ABCA12: variants seen among roughly 807,000 people sequenced by gnomAD.
The protein encoded by ABCA12 is ATP binding cassette subfamily A member 12.
A neutral mutation model predicts 293.5 loss-of-function variants in ABCA12; 156 were observed. That is an observed-to-expected ratio of 0.53 (90% CI 0.47 to 0.61). The LOEUF is 0.61. ABCA12 is among the 20% of genes least tolerant of loss of function. ABCA12 has a pLI of 0.00. For missense variants in ABCA12, 2,797 were observed against 3,090.2 expected, an observed-to-expected ratio of 0.91 and a Z score of 2.25; for synonymous variants, 1,063 against 1,108.0, an observed-to-expected ratio of 0.96 and a Z score of 0.81.
At chr2:215,111,425 C>T (rs763556252) in intron 2 of ABCA12, among the ~76,000 whole-genome samples, 172 bp downstream of exon 2, 7 of 152,164 alleles carry the variant, frequency 4.6e-5, no homozygotes, top group Non-Finnish European at 8.8e-5. Context: ...ACTCAACTTT[C>T]TGACTAACTT....
intron 1 of ABCA12, among the ~76,000 whole-genome samples, chr2:215,119,280 T>G (rs1365799316): frequency 6.6e-6 from 1 of 152,238 alleles, no homozygotes; most frequent in Non-Finnish European, 1.5e-5. Flanking sequence ...TGATGATTTC[T>G]TTTGCTGGGT....
intron 9 of ABCA12, among the ~76,000 whole-genome samples, chr2:215,031,390 C>A (rs1256647090): frequency 6.6e-6 from 1 of 152,146 alleles, no homozygotes; most frequent in Non-Finnish European, 1.5e-5. Flanking sequence ...CTCCTAACCC[C>A]CAAGATGATG....
intron 30 of ABCA12, among the ~76,000 whole-genome samples, chr2:214,981,923 G>T (rs1428327145): frequency 6.8e-6 from 1 of 147,306 alleles, no homozygotes; most frequent in Non-Finnish European, 1.5e-5. Context: ...ACACATGCCA[G>T]CCACCACAGT....
At chr2:215,099,084 T>A (rs1424835037) in intron 2 of ABCA12, among the ~76,000 whole-genome samples, 1 of 152,260 alleles carries the variant, frequency 6.6e-6, no homozygotes, top group Non-Finnish European at 1.5e-5. Flanking sequence ...GAATAGAATG[T>A]GGCAGTGTGA....
chr2:215,015,194 C>T (rs1348362698), intron 15 of ABCA12, among the ~76,000 whole-genome samples: 1 of 151,916 alleles, frequency 6.6e-6, no homozygotes, highest in Non-Finnish European at 1.5e-5. Flanking sequence ...TTGCATTTAA[C>T]ACTTTTGAAA....
At chr2:215,072,550 C>A (rs527561401) in intron 2 of ABCA12, among the ~76,000 whole-genome samples, 1 of 152,274 alleles carries the variant, frequency 6.6e-6, no homozygotes, top group Non-Finnish European at 1.5e-5. Flanking sequence ...CATAACCCCA[C>A]CTTCCTGCAT....
At chr2:214,946,290 C>T (rs902581927) in intron 48 of ABCA12, among the ~76,000 whole-genome samples, 5 of 152,006 alleles carry the variant, frequency 3.3e-5, no homozygotes, top group Admixed American at 6.6e-5. Flanking sequence ...GATACATTGT[C>T]ACTGCTCCTG....
intron 2 of ABCA12, among the ~76,000 whole-genome samples, chr2:215,067,632 T>G (rs376444873): frequency 1.1e-4 from 16 of 152,100 alleles, no homozygotes; most frequent in African/African-American, 3.9e-4. Flanking sequence ...GGGAGTAGGG[T>G]GAGGTATGTG....
At chr2:214,986,518 A>G (rs757364866) in intron 28 of ABCA12, 24 bp downstream of exon 28, 4 of 1,608,728 alleles carry the variant, frequency 2.5e-6, no homozygotes, top group African/African-American at 1.3e-5. Context: ...TTCCATGGCA[A>G]TAAATGTCAA....
intron 1 of ABCA12, among the ~76,000 whole-genome samples, chr2:215,130,856 G>A (rs917825111): frequency 3.3e-5 from 5 of 151,902 alleles, no homozygotes; most frequent in Admixed American, 6.6e-5. Flanking sequence ...TCCCCATTCA[G>A]CGTGATGTTG....
intron 2 of ABCA12, among the ~76,000 whole-genome samples, chr2:215,101,623 C>A (rs528330851): frequency 1.6e-4 from 24 of 152,244 alleles, no homozygotes; most frequent in Middle Eastern, 3.4e-3. Flanking sequence ...CCAAATTTCT[C>A]CTAAATTGTG....
chr2:215,108,323 T>C (rs77113032), intron 2 of ABCA12, among the ~76,000 whole-genome samples: 2,639 of 152,350 alleles, frequency 0.017, 59 homozygotes, highest in African/African-American at 0.06. Context: ...ATTTCATAAT[T>C]GAGGCAAAGC....
intron 19 of ABCA12, among the ~76,000 whole-genome samples, chr2:215,006,842 T>A: frequency 6.6e-6 from 1 of 151,478 alleles, no homozygotes; most frequent in East Asian, 1.9e-4. Flanking sequence ...CCCACATTAT[T>A]TGCATCATCT....
At chr2:214,932,853 T>C in intron 52 of ABCA12, 112 bp from the exon 53 acceptor site, 4 of 770,934 alleles carry the variant, frequency 5.2e-6, no homozygotes, top group Non-Finnish European at 9.0e-6. Context: ...AGCGTGTATA[T>C]ATGTGTATGC....
chr2:215,136,542 G>A (rs2970967), intron 1 of ABCA12, among the ~76,000 whole-genome samples: 32,779 of 151,908 alleles, frequency 0.22, 4,786 homozygotes, highest in African/African-American at 0.41. Context: ...ACAATAACAC[G>A]TACAGATTTT....
intron 22 of ABCA12, among the ~76,000 whole-genome samples, chr2:215,000,255 G>T (rs779323524): frequency 6.6e-6 from 1 of 152,164 alleles, no homozygotes; most frequent in Non-Finnish European, 1.5e-5. Flanking sequence ...TGTGTTCAAG[G>T]TTTCTTTTAT....
At chr2:215,013,072 C>T (rs1033178727) in intron 15 of ABCA12, 1 of 152,014 alleles carries the variant, frequency 6.6e-6, no homozygotes, top group Non-Finnish European at 1.5e-5. Flanking sequence ...GAATTGAGTG[C>T]CTGCTGTGTT....
intron 1 of ABCA12, among the ~76,000 whole-genome samples, chr2:215,127,771 T>A (rs1318912459): frequency 6.6e-6 from 1 of 152,210 alleles, no homozygotes; most frequent in Non-Finnish European, 1.5e-5. Flanking sequence ...AAGTGCATCA[T>A]TTAGGCCATT....
intron 46 of ABCA12, 29 bp downstream of exon 46, chr2:214,949,011 C>A: frequency 6.5e-7 from 1 of 1,536,936 alleles, no homozygotes; most frequent in Non-Finnish European, 9.0e-7. Flanking sequence ...ATGTTGTACT[C>A]GCTAAATTGA....
Sources: gnomAD v4.1 joint callset for allele counts (sites outside exome capture counted in the v4.1 genomes callset) on GRCh38, gnomAD v4.1.1 for gene constraint, MANE v1.5 for transcripts, NCBI Gene and HGNC (gene_info 2026-07-23, HGNC 2026-07-21) for gene names.